Variants in SMYD2 observed in about 807,000 individuals in gnomAD.
The protein encoded by SMYD2 is N-lysine methyltransferase SMYD2.
SMYD2 carries 53 observed loss-of-function variants against 59.1 expected under a neutral mutation model. That is an observed-to-expected ratio of 0.90 (90% CI 0.72 to 1.13). The LOEUF (loss-of-function observed/expected upper bound fraction) is 1.13, where lower values mean the gene tolerates loss of function less well. Among genes scored for constraint, SMYD2 ranks in the 50% most tolerant of loss-of-function variants. The pLI is 0.00. For missense variants in SMYD2, 494 were observed against 544.7 expected (o/e 0.91, Z 0.93); for synonymous variants, 208 against 198.8 (o/e 1.05, Z -0.39).
rs762861868 is a variant in SMYD2 at position 214,334,227 on chromosome 1, C to T, written c.1140C>T (p.Asn380=). 18 of 1,613,912 alleles carry T rather than the reference C, an allele frequency of 1.1e-5. No individual in the cohort carries two copies. The highest frequency in any genetic ancestry group is 1.4e-5 in the Non-Finnish European group (16 of 1,180,012). The change falls in exon 11 of 12, where the codon AAC becomes AAT. Residue 380 remains asparagine, a synonymous_variant. Coordinates refer to ENST00000366957, the MANE Select transcript of SMYD2 (RefSeq NM_020197.3). ...YSKHYPLYSL[N]VASMWLKLGR... ...AGCACTATCCTTTGTACTCCCTCAA[C>T]GTGGCCTCCATGTGGTTGAAGCTAG...
intron 1 of SMYD2, among the ~76,000 whole-genome samples, chr1:214,303,880 G>A (rs909626538): frequency 2.6e-5 from 4 of 152,250 alleles, no homozygotes; most frequent in Admixed American, 1.3e-4. Context: ...TAGCCGCTTC[G>A]TGCTGTCGGT....
intron 8 of SMYD2, 83 bp downstream of exon 8, chr1:214,330,361 A>G (rs1657332069): frequency 1.1e-6 from 1 of 927,388 alleles, no homozygotes; most frequent in African/African-American, 1.7e-5. Context: ...GACTTGGCGG[A>G]TCTCCTCTAG....
intron 1 of SMYD2, among the ~76,000 whole-genome samples, chr1:214,304,574 A>AAAAAAAC (rs1656886339): frequency 6.6e-6 from 1 of 151,294 alleles, no homozygotes; most frequent in African/African-American, 2.4e-5. Flanking sequence ...AAAAAAAAAA[A>AAAAAAAC]AAAAAAAAGC....
intron 5 of SMYD2, among the ~76,000 whole-genome samples, chr1:214,320,427 G>A (rs920702182): frequency 3.9e-5 from 6 of 152,100 alleles, no homozygotes; most frequent in African/African-American, 1.2e-4. Flanking sequence ...ATGCTAAGAA[G>A]GAGAAAAAGG....
Position 214,327,631 on chromosome 1 carries a change from G to A in SMYD2, c.612G>A (p.Leu204=), listed in dbSNP as rs377331966. The A allele has an allele frequency of 1.9e-6, 3 of 1,613,970 alleles. No individual in the cohort carries two copies. The highest frequency in any genetic ancestry group is 2.5e-6 in the Non-Finnish European group (3 of 1,179,968). ...CTCTTCTGACTGACAGTGTTGCATT[G>A]ATGAATCATAGCTGTTGCCCCAATG... ...LGSAIFPDVA[L]MNHSCCPNVI... is the part of the protein sequence containing the mutation. The change falls in exon 7 of 12, where the codon TTG becomes TTA. Residue 204 remains leucine, a synonymous_variant. Transcript: ENST00000366957.
At chr1:214,329,915 C>T (rs1657322938) in intron 7 of SMYD2, among the ~76,000 whole-genome samples, 1 of 152,252 alleles carries the variant, frequency 6.6e-6, no homozygotes, top group African/African-American at 2.4e-5. Context: ...ATTCTACAGA[C>T]TCTTTCCACT....
chr1:214,318,374 A>C lies in SMYD2; in HGVS notation c.409+235A>C, dbSNP rs571112694. ...GAGGTAGGAGCTCCCAAAATGAATTATTGCACCCTGAGCTACCTCCTGCTG... is the reference window on the plus strand; with the variant it reads ...GAGGTAGGAGCTCCCAAAATGAATTCTTGCACCCTGAGCTACCTCCTGCTG... On this transcript the variant is annotated intron_variant, in intron 4 of 11. Coordinates refer to ENST00000366957, the MANE Select transcript of SMYD2 (RefSeq NM_020197.3). This position sits in a 1 kb window ranked among gnomAD's most constrained non-coding sequence, Gnocchi z 5.4. Among the ~76,000 whole-genome samples the C allele has an allele frequency of 3.3e-5, 5 of 152,298 alleles. No homozygotes were observed. Among genetic ancestry groups the C allele is most frequent in the African/African-American group, 1.2e-4 (5 of 41,564 alleles).
At chr1:214,293,599 G>A (rs551723570) in intron 1 of SMYD2, among the ~76,000 whole-genome samples, 126 of 152,250 alleles carry the variant, frequency 8.3e-4, no homozygotes, top group Middle Eastern at 3.4e-3. Context: ...GTTCCAGGTC[G>A]TGTGGGCCAT....
intron 6 of SMYD2, among the ~76,000 whole-genome samples, chr1:214,325,635 C>T (rs945171428): frequency 6.6e-6 from 1 of 151,948 alleles, no homozygotes; most frequent in African/African-American, 2.4e-5. Context: ...GAGAAGAATC[C>T]GTACAGTCTG....
In SMYD2 at chr1:214,281,390, A is replaced by T; in HGVS notation, c.136A>T (p.Asn46Tyr). 1 of 1,465,670 alleles carries T rather than the reference A, an allele frequency of 6.8e-7. No homozygotes were observed. The highest frequency in any genetic ancestry group is 9.1e-7 in the Non-Finnish European group (1 of 1,103,664). The allele number at this position is 1,465,670 out of a possible 1,614,324, so 90.8% of individuals were successfully genotyped here. ...GGCCTATGCCTACGTGCTCACGGTC[A>T]ACGAGCGGGGCAACCACTGCGAGTA... ...CPAYAYVLTV[N>Y]ERGNHCEYCF... The change falls in exon 1 of 12, where the codon AAC becomes TAC. Residue 46 changes from asparagine (N) to tyrosine (Y), a missense_variant. Physicochemically the swap from Asn to Tyr is moderately radical, Grantham distance 143. Coordinates refer to ENST00000366957, the MANE Select transcript of SMYD2 (RefSeq NM_020197.3).
intron 3 of SMYD2, among the ~76,000 whole-genome samples, chr1:214,317,117 G>A (rs1657098493): frequency 6.6e-6 from 1 of 152,164 alleles, no homozygotes; most frequent in Non-Finnish European, 1.5e-5. Context: ...TTATAAAAAT[G>A]CATCCCGTGA....
intron 1 of SMYD2, among the ~76,000 whole-genome samples, chr1:214,294,945 G>T (rs1248448386): frequency 2.0e-5 from 3 of 152,098 alleles, no homozygotes; most frequent in Non-Finnish European, 4.4e-5. Flanking sequence ...TTTTAATCAC[G>T]TGAGTTTTAT....
intron 10 of SMYD2, chr1:214,333,813 G>T (rs913978206): frequency 1.1e-5 from 2 of 184,916 alleles, no homozygotes; most frequent in African/African-American, 4.6e-5. Context: ...AGTACCTAAG[G>T]TGATAGGCCT....
intron 2 of SMYD2, among the ~76,000 whole-genome samples, chr1:214,313,765 T>G (rs1461894292): frequency 6.6e-6 from 1 of 152,100 alleles, no homozygotes; most frequent in African/African-American, 2.4e-5. Context: ...CAAAACACCA[T>G]GGTGTCCTTC....
chr1:214,326,746 A>G (rs1657270048), intron 6 of SMYD2, among the ~76,000 whole-genome samples: 1 of 152,074 alleles, frequency 6.6e-6, no homozygotes, highest in African/African-American at 2.4e-5. Context: ...AGCAAGCAGG[A>G]GAGGGGCTGT....
chr1:214,304,426 G>A (rs1290630181), intron 1 of SMYD2, among the ~76,000 whole-genome samples: 3 of 151,940 alleles, frequency 2.0e-5, no homozygotes, highest in Non-Finnish European at 4.4e-5. Context: ...AGGCATGGTG[G>A]CACATGCCCT....
Position 214,281,227 on chromosome 1 carries a change from C to T in SMYD2, c.-28C>T. The T allele has an allele frequency of 8.1e-7, 1 of 1,227,098 alleles. No homozygotes were observed. Among genetic ancestry groups the T allele is most frequent in the East Asian group, 3.3e-5 (1 of 30,656 alleles). The allele number at this position is 1,227,098 out of a possible 1,614,324, so 76.0% of individuals were successfully genotyped here. ...CTCGCCGGGAGCCGCAGCTCGGGCA[C>T]AGCCGGCGGCCGCGCCCCGCCGCCA... is the stretch of plus-strand genomic sequence containing the variant. On this transcript the variant is annotated 5_prime_UTR_variant, in exon 1 of 12. Transcript: ENST00000366957.
chr1:214,304,231 A>G (rs1490299808), intron 1 of SMYD2, among the ~76,000 whole-genome samples: 2 of 152,200 alleles, frequency 1.3e-5, no homozygotes, highest in Non-Finnish European at 2.9e-5. Flanking sequence ...ATGGGTATGT[A>G]TAGCAATCAG....
intron 1 of SMYD2, 28 bp downstream of exon 1, chr1:214,281,455 G>T (rs779433233): frequency 7.4e-7 from 1 of 1,356,572 alleles, no homozygotes; most frequent in Non-Finnish European, 9.6e-7. Flanking sequence ...GCGGCGGCGG[G>T]CGGGAGCCGG....
Sources: allele counts gnomAD v4.1 joint callset (sites outside exome capture counted in the v4.1 genomes callset), GRCh38; gene constraint gnomAD v4.1.1; non-coding constraint Gnocchi (gnomAD v3.1); transcripts MANE v1.5; gene names NCBI Gene and HGNC (gene_info 2026-07-23, HGNC 2026-07-21).